R3HDM2: variants seen among roughly 807,000 people sequenced by gnomAD.
R3HDM2 encodes R3H domain containing 2, also known as R3H domain-containing protein 2.
Under a neutral mutation model 124.5 loss-of-function variants are expected in R3HDM2, and 38 were observed. That is an observed-to-expected ratio of 0.31 (90% confidence interval 0.24 to 0.40). The LOEUF (loss-of-function observed/expected upper bound fraction) is 0.40. Among genes scored for constraint, R3HDM2 ranks in the 10% least tolerant of loss-of-function variants. The probability of loss-of-function intolerance (pLI) is 1.00; values close to 1 mark genes in which losing one functional copy is unlikely to be tolerated. For synonymous variants in R3HDM2, 391 were observed against 448.0 expected (o/e 0.87, Z 1.61); for missense variants, 869 against 1,236.9 (o/e 0.70, Z 4.46).
chr12:57,396,303 C>T (rs950608491), intron 1 of R3HDM2, among the ~76,000 whole-genome samples: 5 of 151,400 alleles, frequency 3.3e-5, no homozygotes, highest in Admixed American at 6.6e-5. Context: ...TAGCCAGGCA[C>T]GGTGGCATGT....
chr12:57,401,285 C>T (rs993311150), intron 1 of R3HDM2, among the ~76,000 whole-genome samples: 7 of 152,032 alleles, frequency 4.6e-5, no homozygotes, highest in African/African-American at 1.4e-4. Context: ...CTGCGACCAC[C>T]GAGCCCAGGC....
intron 2 of R3HDM2, among the ~76,000 whole-genome samples, chr12:57,347,818 A>G (rs2060224087): frequency 6.6e-6 from 1 of 152,214 alleles, no homozygotes; most frequent in Admixed American, 6.5e-5. Flanking sequence ...CATTCAAAGG[A>G]ATCACAATGA....
At chr12:57,349,701 C>T (rs1218276678) in intron 2 of R3HDM2, among the ~76,000 whole-genome samples, 1 of 151,736 alleles carries the variant, frequency 6.6e-6, no homozygotes, top group Admixed American at 6.6e-5. Flanking sequence ...GCTGGGACTA[C>T]AAGCATGTGC....
At chr12:57,299,514 G>C in intron 5 of R3HDM2, 36 bp from the exon 6 acceptor site, 1 of 1,527,248 alleles carries the variant, frequency 6.5e-7, no homozygotes, top group Non-Finnish European at 8.9e-7. Flanking sequence ...GGGGGAAAAA[G>C]ATTTTAACTT....
intron 4 of R3HDM2, 137 bp from the exon 5 acceptor site, chr12:57,300,318 G>C (rs2050840704): frequency 1.7e-5 from 12 of 700,332 alleles, no homozygotes; most frequent in Non-Finnish European, 2.9e-5. Flanking sequence ...CCATTAAACA[G>C]GGGTTTTTTT....
chr12:57,267,018 C>T, intron 18 of R3HDM2, 187 bp from the exon 19 acceptor site: 1 of 493,976 alleles, frequency 2.0e-6, no homozygotes, highest in Non-Finnish European at 3.7e-6. Flanking sequence ...TGTATTTGTA[C>T]TTGATCATCT....
Position 57,374,952 on chromosome 12 carries a change from T to C in R3HDM2, c.-36+20797A>G, listed in dbSNP as rs373524152. 8.7e-5 allele frequency among the ~76,000 whole-genome samples: 13 copies of C among 149,582 alleles called. No individual in the cohort carries two copies. The East Asian group carries it at 9.8e-4, about 11-fold the overall frequency. ...CGGAGCTTGCAGTGAGCCGAGATCATGCCACTGCACTCCAGCCTGGGTGAC... is the reference window on the plus strand; with the variant it reads ...CGGAGCTTGCAGTGAGCCGAGATCACGCCACTGCACTCCAGCCTGGGTGAC... On this transcript the variant is annotated intron_variant, in intron 2 of 23. Transcript: ENST00000402412.
intron 2 of R3HDM2, among the ~76,000 whole-genome samples, chr12:57,326,434 G>T (rs61937619): frequency 6.6e-5 from 10 of 152,216 alleles, no homozygotes; most frequent in African/African-American, 2.4e-4. Context: ...CACACAAATG[G>T]TAAGAAAGTG....
At position 57,299,407 on chromosome 12, in the gene R3HDM2, T is replaced by C. The variant is rs2050625423; in HGVS notation, c.366A>G (p.Glu122=). 2 of 1,546,232 alleles carry C rather than the reference T, an allele frequency of 1.3e-6. No homozygotes were observed. Among genetic ancestry groups the C allele is most frequent in the East Asian group, 4.9e-5 (2 of 40,904 alleles). ...CTTTGTTTTTGTCCTTGTCTTCCTT[T>C]TCAGAGACATCTTTTGTGGACTTTT... is the stretch of plus-strand genomic sequence containing the variant. The part of the protein sequence containing the change: ...EEEKSTKDVS[E]KEDKDKNKEK... The change falls in exon 6 of 24, where the codon GAA becomes GAG. Residue 122 remains glutamate, a synonymous_variant. Transcript: ENST00000402412.
intron 2 of R3HDM2, among the ~76,000 whole-genome samples, chr12:57,316,936 G>A (rs2055168188): frequency 6.6e-6 from 1 of 151,944 alleles, no homozygotes; most frequent in Admixed American, 6.6e-5. Flanking sequence ...TGGTAGAGAT[G>A]GGGTTTCTCC....
At chr12:57,329,601 G>T (rs958792496) in intron 2 of R3HDM2, among the ~76,000 whole-genome samples, 3 of 152,130 alleles carry the variant, frequency 2.0e-5, no homozygotes, top group Admixed American at 6.5e-5. Context: ...GCTGCTTACT[G>T]GTACTGTTTT....
chr12:57,409,117 AC>A (rs1325932696), intron 1 of R3HDM2, among the ~76,000 whole-genome samples: 2 of 152,242 alleles, frequency 1.3e-5, no homozygotes, highest in African/African-American at 4.8e-5. Context: ...TCTTTAACAC[AC>A]ACAAACCCTA....
At position 57,274,574 on chromosome 12, in the gene R3HDM2, T is replaced by C. The variant is rs558557407; in HGVS notation, c.1345-4580A>G. Among the ~76,000 whole-genome samples, 3 of 152,236 alleles carry C rather than the reference T, an allele frequency of 2.0e-5. No individual in the cohort carries two copies. The East Asian group carries it at 5.8e-4, about 29-fold the overall frequency. ...AAGTGAGAAGAAGTGATGCTCCTCT[T>C]AGGCCTCCCCTAACTGGGGAAGGGC... On this transcript the variant is annotated intron_variant, in intron 14 of 23. Transcript: ENST00000402412.
chr12:57,379,568 GA>G (rs2064561328), intron 2 of R3HDM2, among the ~76,000 whole-genome samples: 1 of 151,082 alleles, frequency 6.6e-6, no homozygotes, highest in South Asian at 2.1e-4. Context: ...CAACAAGAGC[GA>G]AAATCCGTCT....
intron 2 of R3HDM2, among the ~76,000 whole-genome samples, chr12:57,360,015 A>G (rs1217200621): frequency 1.1e-5 from 1 of 88,434 alleles, no homozygotes. Context: ...AAATATATAT[A>G]TATATATACA....
intron 2 of R3HDM2, among the ~76,000 whole-genome samples, chr12:57,337,429 G>C (rs2058998167): frequency 6.6e-6 from 1 of 152,044 alleles, no homozygotes; most frequent in Non-Finnish European, 1.5e-5. Context: ...GGGATTGCAG[G>C]TATGAGCCAC....
intron 23 of R3HDM2, among the ~76,000 whole-genome samples, chr12:57,255,740 T>C (rs1246629057): frequency 6.6e-6 from 1 of 152,212 alleles, no homozygotes; most frequent in Non-Finnish European, 1.5e-5. Context: ...AGAAAACTCT[T>C]TGTTAATAAG....
At chr12:57,348,907 G>A (rs368581456) in intron 2 of R3HDM2, among the ~76,000 whole-genome samples, 20 of 151,782 alleles carry the variant, frequency 1.3e-4, no homozygotes, top group African/African-American at 4.8e-4. Context: ...AAAAAGAAGC[G>A]GAAATCAAGT....
At chr12:57,417,789 T>C (rs2069791819) in intron 1 of R3HDM2, among the ~76,000 whole-genome samples, 1 of 152,184 alleles carries the variant, frequency 6.6e-6, no homozygotes, top group East Asian at 1.9e-4. Flanking sequence ...CCAGCTTATG[T>C]TTGCTCCTTC....
Sources: gnomAD v4.1 joint callset for allele counts (sites outside exome capture counted in the v4.1 genomes callset) on GRCh38, gnomAD v4.1.1 for gene constraint, MANE v1.5 for transcripts, NCBI Gene and HGNC (gene_info 2026-07-23, HGNC 2026-07-21) for gene names.